RBFOX1: variants seen among roughly 807,000 people sequenced by gnomAD.
RBFOX1 encodes the protein RNA binding fox-1 homolog 1.
RBFOX1 carries 8 observed loss-of-function variants against 57.7 expected under a neutral mutation model. The observed-to-expected ratio is 0.14, with a 90% CI of 0.08 to 0.25. The LOEUF is 0.25. Ranked by LOEUF, RBFOX1 falls within the 10% of genes least tolerant of loss-of-function variation. The probability of loss-of-function intolerance (pLI) is 1.00; values close to 1 mark genes in which losing one functional copy is unlikely to be tolerated. For synonymous variants in RBFOX1, 326 were observed against 222.4 expected (o/e 1.47, Z -4.15); for missense variants, 611 against 548.5 (o/e 1.11, Z -1.14).
chr16:5,891,821 G>A (rs2058050601), intron 4 of RBFOX1, among the ~76,000 whole-genome samples: 1 of 152,148 alleles, frequency 6.6e-6, no homozygotes, highest in African/African-American at 2.4e-5. Context: ...CTGTTTCTCT[G>A]ACCTTGATGG....
At chr16:6,158,845 CTATTAAAAG>C (rs1457003818) in intron 1 of RBFOX1, among the ~76,000 whole-genome samples, 2 of 151,784 alleles carry the variant, frequency 1.3e-5, no homozygotes, top group Non-Finnish European at 2.9e-5. Context: ...AGACAGGCAC[CTATTAAAAG>C]TGAAGTTGGT....
chr16:7,473,821 A>G (rs2062052736), intron 4 of RBFOX1, among the ~76,000 whole-genome samples: 1 of 152,134 alleles, frequency 6.6e-6, no homozygotes, highest in Admixed American at 6.6e-5. Context: ...TGCTTTCTTC[A>G]TAGACAATTC....
chr16:7,239,185 C>A (rs1454931743), intron 4 of RBFOX1, among the ~76,000 whole-genome samples: 1 of 152,040 alleles, frequency 6.6e-6, no homozygotes, highest in Non-Finnish European at 1.5e-5. Flanking sequence ...GCTACTTCTA[C>A]CATTGATGTA....
rs9940880 is a variant in RBFOX1 at position 6,875,467 on chromosome 16, C to G, written c.-15-176590C>G. On this transcript the variant is annotated intron_variant, in intron 3 of 15. Transcript: ENST00000550418. ...GACTCACACAAGATTCGCTGAGAGT[C>G]TTCGAATTTTTTGAATCACCCTTAA... Among the ~76,000 whole-genome samples the G allele has an allele frequency of 7.0e-3, 1,058 of 152,206 alleles. 12 individuals are homozygous for G. The highest frequency in any genetic ancestry group is 0.024 in the African/African-American group (997 of 41,522).
intron 3 of RBFOX1, among the ~76,000 whole-genome samples, chr16:5,784,204 G>A (rs2054420501): frequency 6.6e-6 from 1 of 152,042 alleles, no homozygotes; most frequent in South Asian, 2.1e-4. Flanking sequence ...GGTGGATCAC[G>A]AGGTCAGGAG....
chr16:6,252,922 G>A (rs908677710), intron 1 of RBFOX1, among the ~76,000 whole-genome samples: 1 of 152,120 alleles, frequency 6.6e-6, no homozygotes, highest in Admixed American at 6.6e-5. Context: ...ACAATGTATT[G>A]TGTGCTTACC....
chr16:5,327,681 A>G (rs1196925006), intron 1 of RBFOX1, among the ~76,000 whole-genome samples: 1 of 152,212 alleles, frequency 6.6e-6, no homozygotes, highest in Non-Finnish European at 1.5e-5. Context: ...AACAGAATGT[A>G]GCAGCATCCC....
At chr16:7,017,920 C>G (rs1323091594) in intron 3 of RBFOX1, among the ~76,000 whole-genome samples, 1 of 152,176 alleles carries the variant, frequency 6.6e-6, no homozygotes, top group East Asian at 1.9e-4. Flanking sequence ...TACCAAAATG[C>G]TATATTTGCA....
chr16:7,489,062 C>G (rs1321883652), intron 4 of RBFOX1, among the ~76,000 whole-genome samples: 2 of 152,154 alleles, frequency 1.3e-5, no homozygotes, highest in African/African-American at 4.8e-5. Flanking sequence ...CTGTGAATCT[C>G]AGCGTGTCTG....
chr16:6,854,067 TCC>T (rs1347282947), intron 3 of RBFOX1, among the ~76,000 whole-genome samples: 17 of 152,272 alleles, frequency 1.1e-4, no homozygotes, highest in African/African-American at 4.1e-4. Context: ...CTTCCAGAAA[TCC>T]TATTTATTTA....
At position 5,433,756 on chromosome 16, in the gene RBFOX1, C is replaced by T. The variant is rs189749398; in HGVS notation, c.220-33460C>T. 9.7e-4 allele frequency among the ~76,000 whole-genome samples: 148 copies of T among 152,286 alleles called. 1 individual carries two copies. The highest frequency in any genetic ancestry group is 3.4e-3 in the African/African-American group (142 of 41,556). ...CCCCTCCCTGCTCCATGGGAGATTC[C>T]GTAGCGTAAGGTGTCAGGCCCTTCT... is the stretch of plus-strand genomic sequence containing the variant. On this transcript the variant is annotated intron_variant, in intron 1 of 2. Transcript: ENST00000585867.
At chr16:6,505,958 G>A (rs924346346) in intron 2 of RBFOX1, among the ~76,000 whole-genome samples, 2 of 152,130 alleles carry the variant, frequency 1.3e-5, no homozygotes, top group African/African-American at 4.8e-5. Context: ...TAGTGACATG[G>A]GTGGAAGAGG....
intron 3 of RBFOX1, 129 bp downstream of exon 3, chr16:6,654,779 A>G (rs980210033): frequency 1.3e-5 from 8 of 607,910 alleles, no homozygotes; most frequent in African/African-American, 3.9e-5. Flanking sequence ...ACATATTTAA[A>G]GACAATCAGA....
At chr16:7,430,597 G>A (rs992462258) in intron 4 of RBFOX1, among the ~76,000 whole-genome samples, 1 of 150,820 alleles carries the variant, frequency 6.6e-6, no homozygotes, top group African/African-American at 2.5e-5. Context: ...AGGAGACAGA[G>A]GTTTCAGTGC....
At position 7,577,222 on chromosome 16, in the gene RBFOX1, A is replaced by T. The variant is rs1439070100; in HGVS notation, c.271-2555A>T. ...TTGTGTTACAAGCTGGTCATACCAC[A>T]CTCCTGCTGTGACCCTTAGGTGGCT... On this transcript the variant is annotated intron_variant, in intron 5 of 15. Transcript: ENST00000550418. Among the ~76,000 whole-genome samples the T allele has an allele frequency of 2.6e-5, 4 of 152,116 alleles. No homozygotes were observed. The East Asian group carries it at 7.7e-4, about 29-fold the overall frequency.
At chr16:7,673,223 T>C (rs2072157230) in intron 13 of RBFOX1, among the ~76,000 whole-genome samples, 1 of 152,162 alleles carries the variant, frequency 6.6e-6, no homozygotes, top group Non-Finnish European at 1.5e-5. Context: ...TGATCTAAAG[T>C]GAAAACTTTG....
At chr16:6,289,011 C>G (rs183782082) in intron 1 of RBFOX1, among the ~76,000 whole-genome samples, 4 of 152,222 alleles carry the variant, frequency 2.6e-5, no homozygotes. Context: ...TTGAGTGTGT[C>G]TCCAGAATCT....
intron 4 of RBFOX1, among the ~76,000 whole-genome samples, chr16:7,262,974 T>G (rs934504833): frequency 3.3e-5 from 5 of 152,290 alleles, no homozygotes; most frequent in African/African-American, 7.2e-5. Context: ...CCACTTACTC[T>G]AGGAAGTGTT....
intron 1 of RBFOX1, among the ~76,000 whole-genome samples, chr16:6,232,360 G>A (rs2097469169): frequency 6.6e-6 from 1 of 152,188 alleles, no homozygotes. Flanking sequence ...AAAGAAGGGA[G>A]GGCTTCCCTG....
Sources: allele counts gnomAD v4.1 joint callset (sites outside exome capture counted in the v4.1 genomes callset), GRCh38; gene constraint gnomAD v4.1.1; transcripts MANE v1.5; gene names NCBI Gene and HGNC (gene_info 2026-07-23, HGNC 2026-07-21).